The following GNL3L variants were observed in gnomAD, a reference collection of about 807,000 sequenced individuals.
GNL3L encodes the protein G protein nucleolar 3 like.
In GNL3L, 4 loss-of-function variants were observed where a neutral mutation model predicts 42.9. The ratio of observed to expected loss-of-function variants is 0.09; its 90% CI spans 0.05 to 0.21. The LOEUF is 0.21. GNL3L is among the 10% of genes least tolerant of loss of function. The pLI is 1.00. For synonymous variants in GNL3L, 159 were observed against 176.3 expected, an observed-to-expected ratio of 0.90 and a Z score of 0.78; for missense variants, 412 against 481.7, an observed-to-expected ratio of 0.86 and a Z score of 1.36.
Position 54,566,855 on chromosome X carries a change from C to T in GNL3L, c.*6253C>T, listed in dbSNP as rs1925442720. On this transcript the variant is annotated 3_prime_UTR_variant, in exon 16 of 16. Coordinates refer to ENST00000360845, the MANE Select transcript of GNL3L (RefSeq NM_001184819.2). ...GTGGTGTGCTCATAGGTCACTGTAG[C>T]TTCGACCTCCTGGGCTCAAGCGAAC... Among the ~76,000 whole-genome samples, 1 of 111,765 alleles carries T rather than the reference C, an allele frequency of 8.9e-6. No homozygotes were observed. Among genetic ancestry groups the T allele is most frequent in the Non-Finnish European group, 1.9e-5 (1 of 53,168 alleles).
At position 54,566,334 on chromosome X, in the gene GNL3L, T is replaced by C. The variant is rs1461420934; in HGVS notation, c.*5732T>C. On this transcript the variant is annotated 3_prime_UTR_variant, in exon 16 of 16. Coordinates refer to ENST00000360845, the MANE Select transcript of GNL3L (RefSeq NM_001184819.2). ...TACCACATTTTCTTTATCCAGTCTTTCGTTGATAGACATTTAGGTCGATTC... is the reference window on the plus strand; with the variant it reads ...TACCACATTTTCTTTATCCAGTCTTCCGTTGATAGACATTTAGGTCGATTC... Among the ~76,000 whole-genome samples, 1 of 112,083 alleles carries C rather than the reference T, an allele frequency of 8.9e-6. No homozygotes were observed. The highest frequency in any genetic ancestry group is 3.2e-5 in the African/African-American group (1 of 30,803).
In GNL3L at chrX:54,607,060, CT is replaced by C. The variant is rs750526438; in HGVS notation, c.*46-13782del. Among the ~76,000 whole-genome samples the C allele has an allele frequency of 4.6e-3, 173 of 37,418 alleles. 5 individuals carry two copies. Among genetic ancestry groups the C allele is most frequent in the Middle Eastern group, 0.013 (1 of 75 alleles). 32.5% of individuals were successfully genotyped at this position (37,418 alleles called of 115,157 possible). On this transcript the variant is annotated intron_variant, in intron 16 of 16. Coordinates refer to the GNL3L transcript ENST00000674498. ...TCTTTCTTTCTTTCTTTCTTTCTTT[CT>C]TTCTTTCTTTCTCTTTCTTTCTTCT...
chrX:54,618,239 T>G (rs980430337), intron 16 of GNL3L, among the ~76,000 whole-genome samples: 3 of 110,988 alleles, frequency 2.7e-5, no homozygotes, highest in Non-Finnish European at 3.8e-5. Flanking sequence ...CTTGCAAGTA[T>G]CTGAAACTCA....
chrX:54,608,644 A>G (rs1926129029), intron 16 of GNL3L, among the ~76,000 whole-genome samples: 1 of 111,829 alleles, frequency 8.9e-6, no homozygotes. Flanking sequence ...TTAGAGTAAT[A>G]GTCTCCAGTC....
chrX:54,565,731 A>G lies in GNL3L; in HGVS notation c.*5129A>G, dbSNP rs1458020068. The stretch of plus-strand genomic sequence containing the variant: ...TTTTATATGCTTATTTGCTATCTAC[A>G]TATCTTCTTTGGCAAGGTGTTCACA... On this transcript the variant is annotated 3_prime_UTR_variant, in exon 16 of 16. Coordinates refer to ENST00000360845, the MANE Select transcript of GNL3L (RefSeq NM_001184819.2). 9.2e-6 allele frequency among the ~76,000 whole-genome samples: 1 copy of G among 108,971 alleles called. No homozygotes were observed. Among genetic ancestry groups the G allele is most frequent in the Non-Finnish European group, 1.9e-5 (1 of 52,611 alleles). The allele number at this position is 108,971 out of a possible 115,157, so 94.6% of individuals were successfully genotyped here.
At chrX:54,552,477 C>T in intron 13 of GNL3L, 49 bp downstream of exon 13, 1 of 1,134,572 alleles carries the variant, frequency 8.8e-7, no homozygotes, top group Non-Finnish European at 1.2e-6. Flanking sequence ...AGTGGGGCCA[C>T]ACAGACCTGA....
chrX:54,555,643 T>A (rs1357445836), intron 14 of GNL3L, among the ~76,000 whole-genome samples: 3 of 87,003 alleles, frequency 3.4e-5, no homozygotes, highest in Non-Finnish European at 6.8e-5. Flanking sequence ...ATTTTTTTTT[T>A]TTTTTTTTTT....
chrX:54,534,541 A>T (rs1303284993), intron 2 of GNL3L, among the ~76,000 whole-genome samples: 2 of 111,695 alleles, frequency 1.8e-5, no homozygotes. Context: ...GGATTAGCGA[A>T]TACAGAGATC....
Position 54,565,381 on chromosome X carries a change from C to T in GNL3L, c.*4779C>T, listed in dbSNP as rs1427001838. 8.9e-6 allele frequency among the ~76,000 whole-genome samples: 1 copy of T among 112,523 alleles called. No individual in the cohort carries two copies. Among genetic ancestry groups the T allele is most frequent in the African/African-American group, 3.2e-5 (1 of 31,003 alleles). ...TTTGACATTTTAAGAAACTTCTAAA[C>T]TGTTTTTCAAAGTGGCTCTACCATT... On this transcript the variant is annotated 3_prime_UTR_variant, in exon 16 of 16. Coordinates refer to ENST00000360845, the MANE Select transcript of GNL3L (RefSeq NM_001184819.2).
In GNL3L at chrX:54,543,194, C is replaced by G; in HGVS notation, c.391-13C>G. On this transcript the variant is annotated splice_polypyrimidine_tract_variant and intron_variant, in intron 6 of 15. Transcript: ENST00000360845. ...CTTTTCCTGCCCTCATCTCCTGGTC[C>G]TCTGCCCTGCAGGTGGTGGAATACT... 2.5e-6 allele frequency: 3 copies of G among 1,209,261 alleles called. No homozygotes were observed. In the South Asian group the frequency reaches 5.3e-5, roughly 21 times the overall value.
chrX:54,589,007 A>AT (rs57066675), intron 16 of GNL3L, among the ~76,000 whole-genome samples: 14,256 of 109,001 alleles, frequency 0.13, 1,405 homozygotes, highest in African/African-American at 0.34. Context: ...TTTGATACTG[A>AT]TTTTTTCTTT....
chrX:54,567,968 CTT>C (rs537874465), downstream of GNL3L, among the ~76,000 whole-genome samples: 10 of 95,060 alleles, frequency 1.1e-4, no homozygotes, highest in Admixed American at 1.2e-4. Context: ...ATGTATTATT[CTT>C]TTTTTTTTTT....
At chrX:54,559,711 A>T (rs1447876375) in intron 15 of GNL3L, among the ~76,000 whole-genome samples, 1 of 111,913 alleles carries the variant, frequency 8.9e-6, no homozygotes, top group Non-Finnish European at 1.9e-5. Flanking sequence ...AGGTCCAGAG[A>T]CATTAAGTGA....
At chrX:54,644,087 T>C in the GNL3L span, among the ~76,000 whole-genome samples, 1 of 112,180 alleles carries the variant, frequency 8.9e-6, no homozygotes, top group Admixed American at 9.5e-5. Flanking sequence ...GGAGTGCAGA[T>C]ATCTCTCCAA....
intron 9 of GNL3L, among the ~76,000 whole-genome samples, chrX:54,549,983 A>G (rs942327204): frequency 3.6e-5 from 4 of 110,354 alleles, no homozygotes; most frequent in Admixed American, 2.0e-4. Flanking sequence ...AGAGGCTGAC[A>G]GGAGTTGGCA....
the GNL3L span, among the ~76,000 whole-genome samples, chrX:54,632,001 A>G: frequency 8.9e-6 from 1 of 111,962 alleles, no homozygotes; most frequent in Non-Finnish European, 1.9e-5. Context: ...TTTGTCTGAA[A>G]AAGACGTTAG....
At chrX:54,615,372 C>G (rs1200344969) in intron 16 of GNL3L, among the ~76,000 whole-genome samples, 1 of 111,836 alleles carries the variant, frequency 8.9e-6, no homozygotes, top group African/African-American at 3.3e-5. Context: ...AATAGTGTTG[C>G]TATGAACATA....
the GNL3L span, among the ~76,000 whole-genome samples, chrX:54,636,954 C>A: frequency 1.8e-5 from 2 of 112,256 alleles, no homozygotes; most frequent in African/African-American, 6.5e-5. Flanking sequence ...AATCACACTG[C>A]TTTCCACAGT....
In GNL3L at chrX:54,538,981, GTCAACA is replaced by G; in HGVS notation, c.20-58_20-53del. 1.3e-5 allele frequency: 9 copies of G among 710,222 alleles called. No homozygotes were observed. In the South Asian group the frequency reaches 2.1e-4, roughly 17 times the overall value. 58.5% of individuals were successfully genotyped at this position (710,222 alleles called of 1,213,427 possible). On this transcript the variant is annotated intron_variant, in intron 2 of 15. Coordinates refer to ENST00000360845, the MANE Select transcript of GNL3L (RefSeq NM_001184819.2). ...AGTGTGGCCTGGCCTTGATTCAGATGTCAACAAATATCGTGTAGATGGATGACGGCT... is the reference window on the plus strand; with the variant it reads ...AGTGTGGCCTGGCCTTGATTCAGATGAATATCGTGTAGATGGATGACGGCT...
Sources: allele counts gnomAD v4.1 joint callset (sites outside exome capture counted in the v4.1 genomes callset), GRCh38; gene constraint gnomAD v4.1.1; transcripts MANE v1.5; gene names NCBI Gene and HGNC (gene_info 2026-07-23, HGNC 2026-07-21).